Variants in DDX59 observed in about 807,000 individuals in gnomAD.
The protein encoded by DDX59 is DEAD-box helicase 59.
A neutral mutation model predicts 51.9 loss-of-function variants in DDX59; 30 were observed. The ratio of observed to expected loss-of-function variants is 0.58; its 90% CI spans 0.43 to 0.78. DDX59 has a LOEUF of 0.78. Ranked by LOEUF, DDX59 falls within the 30% of genes least tolerant of loss-of-function variation. The pLI, the probability that DDX59 is intolerant of heterozygous loss-of-function variation, is 0.00. For synonymous variants in DDX59, 255 were observed against 253.3 expected (o/e 1.01, Z -0.06); for missense variants, 672 against 730.8 (o/e 0.92, Z 0.93).
Position 200,666,208 on chromosome 1 carries a change from T to C in DDX59, c.533A>G (p.Gln178Arg). 1 of 1,614,246 alleles carries C rather than the reference T, an allele frequency of 6.2e-7. No individual in the cohort carries two copies. Among genetic ancestry groups the C allele is most frequent in the Non-Finnish European group, 8.5e-7 (1 of 1,180,034 alleles). Residue 178 changes from glutamine (Q) to arginine (R), a missense_variant, in exon 2 of 8, where the codon CAG becomes CGG. Coordinates refer to ENST00000331314, the MANE Select transcript of DDX59 (RefSeq NM_001031725.6). ...YKEHPFILNL[Q>R]EDQIENLKQQ... The stretch of plus-strand genomic sequence containing the variant: ...TTTAAGATTTTCAATCTGGTCTTCC[T>C]GAAGGTTCAAAATAAAGGGGTGCTC...
chr1:200,656,792 G>A (rs1336115844), intron 4 of DDX59, among the ~76,000 whole-genome samples: 4 of 152,106 alleles, frequency 2.6e-5, no homozygotes, highest in South Asian at 2.1e-4. Context: ...AGTGGCTCAC[G>A]CCTGTAATCC....
chr1:200,650,360 C>G (rs1661577165), intron 5 of DDX59, 65 bp downstream of exon 5: 11 of 1,470,088 alleles, frequency 7.5e-6, no homozygotes, highest in Non-Finnish European at 1.0e-5. Flanking sequence ...CAAAATCATT[C>G]TCTTAAGAGC....
At chr1:200,662,966 CATTA>C (rs1662473127) in intron 3 of DDX59, among the ~76,000 whole-genome samples, 2 of 152,156 alleles carry the variant, frequency 1.3e-5, no homozygotes, top group South Asian at 2.1e-4. Context: ...TCCAATATCC[CATTA>C]ATTATCAACC....
At chr1:200,655,141 C>T (rs1661936229) in intron 4 of DDX59, 1 of 152,212 alleles carries the variant, frequency 6.6e-6, no homozygotes, top group Non-Finnish European at 1.5e-5. Context: ...TCATCATTTG[C>T]AGGTAATTCA....
intron 2 of DDX59, among the ~76,000 whole-genome samples, chr1:200,665,144 C>T (rs930938359): frequency 6.6e-6 from 1 of 152,156 alleles, no homozygotes; most frequent in Non-Finnish European, 1.5e-5. Flanking sequence ...TTAAGATGAA[C>T]CATAGATCAC....
chr1:200,652,877 G>A (rs936498759), intron 4 of DDX59, among the ~76,000 whole-genome samples: 4 of 152,124 alleles, frequency 2.6e-5, no homozygotes, highest in Non-Finnish European at 1.5e-5. Flanking sequence ...CAGAGACTGG[G>A]TTTCCCCATG....
intron 7 of DDX59, among the ~76,000 whole-genome samples, chr1:200,647,800 C>T (rs1421806843): frequency 1.2e-4 from 18 of 150,994 alleles, no homozygotes; most frequent in Middle Eastern, 3.2e-3. Context: ...GGTGAAACCC[C>T]GTCTCTACTA....
At chr1:200,652,806 CCACA>C (rs1411781286) in intron 4 of DDX59, among the ~76,000 whole-genome samples, 1 of 144,198 alleles carries the variant, frequency 6.9e-6, no homozygotes, top group Non-Finnish European at 1.6e-5. Context: ...GTAGCTGGGA[CCACA>C]GGTGTGACCA....
At chr1:200,658,097 G>T (rs1003904492) in intron 4 of DDX59, among the ~76,000 whole-genome samples, 8 of 152,178 alleles carry the variant, frequency 5.3e-5, no homozygotes, top group African/African-American at 1.9e-4. Context: ...GGCAGGCTAA[G>T]ACACTATCCT....
At chr1:200,641,064 G>T, downstream of DDX59, 4 of 762,142 alleles carry the variant, frequency 5.2e-6, no homozygotes, top group African/African-American at 1.8e-5. Flanking sequence ...CAACAAAAGA[G>T]TCCTATCTGT....
intron 6 of DDX59, 86 bp downstream of exon 6, chr1:200,648,987 TA>T: frequency 1.5e-6 from 2 of 1,335,050 alleles, no homozygotes; most frequent in Non-Finnish European, 2.0e-6. Context: ...GGATCTGTTA[TA>T]AAAACCAGCT....
rs187079836 is a variant in DDX59 at position 200,645,442 on chromosome 1, T to A, written c.1597-925A>T. Among the ~76,000 whole-genome samples the A allele has an allele frequency of 8.1e-4, 124 of 152,280 alleles. 2 individuals are homozygous for A. Among genetic ancestry groups the A allele is most frequent in the African/African-American group, 2.9e-3 (121 of 41,570 alleles). The stretch of plus-strand genomic sequence containing the variant: ...ACAGGCACCCGCCACCATATCTGGA[T>A]AATTTTTTGTATTTTTAGTAGAGAT... On this transcript the variant is annotated intron_variant, in intron 7 of 7. Coordinates refer to ENST00000331314, the MANE Select transcript of DDX59 (RefSeq NM_001031725.6).
At chr1:200,641,388 CA>C (rs1558108873), downstream of DDX59, 9 of 176,182 alleles carry the variant, frequency 5.1e-5, no homozygotes, top group Admixed American at 1.3e-4. Flanking sequence ...GTTATGAAAC[CA>C]AAAAAACTAA....
At position 200,663,850 on chromosome 1, in the gene DDX59, GA is replaced by G. The variant is rs1044022378; in HGVS notation, c.972+68del. The G allele has an allele frequency of 7.7e-5, 105 of 1,359,302 alleles. No homozygotes were observed. The Middle Eastern group carries it at 1.2e-3, about 15-fold the overall frequency. The allele number at this position is 1,359,302 out of a possible 1,614,324, so 84.2% of individuals were successfully genotyped here. ...CATACTTTTAAAAATTCTTCAAGGG[GA>G]AAAAAAACACTAGTTCCTGTATTGC... On this transcript the variant is annotated intron_variant, in intron 3 of 7. Coordinates refer to ENST00000331314, the MANE Select transcript of DDX59 (RefSeq NM_001031725.6).
Position 200,646,351 on chromosome 1 carries a change from C to A in DDX59, c.1597-1834G>T, listed in dbSNP as rs112579984. Among the ~76,000 whole-genome samples the A allele has an allele frequency of 8.9e-3, 1,312 of 147,170 alleles. 20 individuals carry two copies. The highest frequency in any genetic ancestry group is 0.03 in the African/African-American group (1,223 of 40,332). ...CCCGTCTCTTAAAAAAACAAACAAA[C>A]AAAAAAAAAACTTGCAAATCATGTT... On this transcript the variant is annotated intron_variant, in intron 7 of 7. Coordinates refer to ENST00000331314, the MANE Select transcript of DDX59 (RefSeq NM_001031725.6).
At position 200,644,396 on chromosome 1, in the gene DDX59, G is replaced by T. The variant is rs1411343121; in HGVS notation, c.1718C>A (p.Pro573His). ...RVKPTGSILP[P>H]QLLNSPYLHD... ...AAGGTATGGGGAATTTAATAACTGA[G>T]GGGGAAGAATGGATCCTGTGGGCTT... Residue 573 changes from proline (P) to histidine (H), a missense_variant, in exon 8 of 8, where the codon CCT becomes CAT. Coordinates refer to ENST00000331314, the MANE Select transcript of DDX59 (RefSeq NM_001031725.6). The T allele has an allele frequency of 2.5e-6, 4 of 1,613,860 alleles. No individual in the cohort carries two copies. In the South Asian group the frequency reaches 4.4e-5, roughly 18 times the overall value.
chr1:200,666,589 G>GCTGA lies in DDX59; in HGVS notation c.151_152insTCAG (p.Thr51IlefsTer39), dbSNP rs1662773246. ...TGATTCGCTGATGTGCCTGTCTATTGTGGCTGCTTCTGTAGCTACAGCATC... is the reference window on the plus strand; with the variant it reads ...TGATTCGCTGATGTGCCTGTCTATTGCTGATGGCTGCTTCTGTAGCTACAGCATC... On this transcript the variant is annotated frameshift_variant, in exon 2 of 8. Transcript: ENST00000331314. LOFTEE classifies it high-confidence loss of function. 2.5e-6 allele frequency: 4 copies of GCTGA among 1,614,076 alleles called. No individual in the cohort carries two copies. Among genetic ancestry groups the GCTGA allele is most frequent in the Non-Finnish European group, 3.4e-6 (4 of 1,180,052 alleles).
chr1:200,654,179 C>T (rs1181023808), intron 4 of DDX59, among the ~76,000 whole-genome samples: 3 of 152,014 alleles, frequency 2.0e-5, no homozygotes, highest in African/African-American at 7.2e-5. Flanking sequence ...TTTGGGAGGC[C>T]GAGGCGGGCG....
intron 3 of DDX59, among the ~76,000 whole-genome samples, chr1:200,661,290 T>A (rs1662358475): frequency 6.6e-6 from 1 of 152,096 alleles, no homozygotes. Flanking sequence ...CATACAGATA[T>A]AAATAAATAT....
Sources: gnomAD v4.1 joint callset for allele counts (sites outside exome capture counted in the v4.1 genomes callset) on GRCh38, gnomAD v4.1.1 for gene constraint, MANE v1.5 for transcripts, NCBI Gene and HGNC (gene_info 2026-07-23, HGNC 2026-07-21) for gene names.